Variants in HEATR5B observed in about 807,000 individuals in gnomAD.
HEATR5B encodes HEAT repeat containing 5B.
In HEATR5B, 156 loss-of-function variants were observed where a neutral mutation model predicts 224.1. The ratio of observed to expected loss-of-function variants is 0.70; its 90% CI spans 0.61 to 0.80. HEATR5B has a LOEUF of 0.80. Among genes scored for constraint, HEATR5B ranks in the 30% least tolerant of loss-of-function variants. The pLI, the probability that HEATR5B is intolerant of heterozygous loss-of-function variation, is 0.00. For synonymous variants in HEATR5B, 1,027 were observed against 893.0 expected, an observed-to-expected ratio of 1.15 and a Z score of -2.68; for missense variants, 2,323 against 2,535.5, an observed-to-expected ratio of 0.92 and a Z score of 1.80.
chr2:36,984,869 G>A (rs1308217932), intron 35 of HEATR5B, among the ~76,000 whole-genome samples: 4 of 152,146 alleles, frequency 2.6e-5, no homozygotes, highest in African/African-American at 9.7e-5. Context: ...CTATTTAGGA[G>A]GTGATTAGAT....
chr2:37,007,140 T>C lies in HEATR5B; in HGVS notation c.4687A>G (p.Thr1563Ala). Residue 1563 changes from threonine (T) to alanine (A), a missense_variant, in exon 29 of 36, where the codon ACA becomes GCA. Physicochemically the swap from Thr to Ala is moderately conservative, Grantham distance 58. Coordinates refer to ENST00000233099, the MANE Select transcript of HEATR5B (RefSeq NM_019024.3). ...AAISGLQKRS[T>A]SVNLNQASGA... is the part of the protein sequence containing the mutation. ...GATGCCTGGTTTAAATTGACAGATG[T>C]AGAACGTTTTTGTAAACCAGATATT... 2 of 1,614,126 alleles carry C rather than the reference T, an allele frequency of 1.2e-6. No homozygotes were observed. Among genetic ancestry groups the C allele is most frequent in the Non-Finnish European group, 1.7e-6 (2 of 1,180,000 alleles).
intron 20 of HEATR5B, among the ~76,000 whole-genome samples, chr2:37,038,907 T>TGGGG (rs758997585): frequency 4.5e-4 from 30 of 66,262 alleles, no homozygotes; most frequent in Non-Finnish European, 8.2e-4. Flanking sequence ...CTCCCTGGGG[T>TGGGG]GGGGGGGGTG....
chr2:37,002,425 T>C lies in HEATR5B; in HGVS notation c.5198A>G (p.Lys1733Arg). The change falls in exon 32 of 36, where the codon AAG (lysine) becomes AGG (arginine). Residue 1733 changes from lysine to arginine, a missense_variant. Lys to Arg is a conservative substitution (Grantham distance 26). Around this residue, in one of 12 missense-constraint regions of HEATR5B, gnomAD observed 844 missense variants for 812.9 expected, o/e 1.04. Coordinates refer to ENST00000233099, the MANE Select transcript of HEATR5B (RefSeq NM_019024.3). Reference protein sequence around the residue: ...LVRHMPHLSTKVSDSPSHIAT... With the variant: ...LVRHMPHLSTRVSDSPSHIAT... ...TATGTGACTTGGAGAGTCTGACACC[T>C]TGGTACTGAGATGTGGCATATGCCG... 1 of 1,614,230 alleles carries C rather than the reference T, an allele frequency of 6.2e-7. No homozygotes were observed. The highest frequency in any genetic ancestry group is 8.5e-7 in the Non-Finnish European group (1 of 1,180,034).
chr2:36,986,563 G>GA (rs1283427640), intron 35 of HEATR5B, among the ~76,000 whole-genome samples: 1 of 152,036 alleles, frequency 6.6e-6, no homozygotes, highest in African/African-American at 2.4e-5. Context: ...TAACAGAAAA[G>GA]AAAAAACAGG....
At chr2:37,059,898 A>T (rs758557754) in intron 12 of HEATR5B, among the ~76,000 whole-genome samples, 6 of 152,110 alleles carry the variant, frequency 3.9e-5, no homozygotes, top group Non-Finnish European at 8.8e-5. Flanking sequence ...CACCTCCTAG[A>T]TGTGTGAGAG....
rs560160624 is a variant in HEATR5B, at chr2:36,998,997, G to A, written c.5545+1589C>T. On this transcript the variant is annotated intron_variant, in intron 33 of 35. Transcript: ENST00000233099. ...TGGGAGGCCGAGGCAGGAGGATCAC[G>A]AGGTCAGGAGTTCAAGACCAGGCTG... Among the ~76,000 whole-genome samples, 10 of 152,174 alleles carry A rather than the reference G, an allele frequency of 6.6e-5. 1 individual carries two copies. In the South Asian group the frequency reaches 1.5e-3, roughly 22 times the overall value.
At chr2:37,064,561 T>A (rs1026608693) in intron 10 of HEATR5B, among the ~76,000 whole-genome samples, 179 bp downstream of exon 10, 1 of 152,104 alleles carries the variant, frequency 6.6e-6, no homozygotes, top group Non-Finnish European at 1.5e-5. Flanking sequence ...TATCCTTACA[T>A]CAGAATTAAA....
chr2:37,050,321 G>A (rs1670457463), intron 17 of HEATR5B, among the ~76,000 whole-genome samples: 1 of 152,110 alleles, frequency 6.6e-6, no homozygotes, highest in Non-Finnish European at 1.5e-5. Context: ...TCAATTCACG[G>A]TAATTACTTT....
intron 21 of HEATR5B, among the ~76,000 whole-genome samples, chr2:37,035,382 T>C (rs1488579555): frequency 6.6e-6 from 1 of 152,200 alleles, no homozygotes; most frequent in Non-Finnish European, 1.5e-5. Context: ...TATATGACTG[T>C]GTATGTGTGA....
intron 21 of HEATR5B, among the ~76,000 whole-genome samples, chr2:37,036,236 AT>A (rs1388876981): frequency 7.9e-5 from 12 of 152,316 alleles, no homozygotes; most frequent in Middle Eastern, 3.4e-3. Flanking sequence ...TGCTTGTAGA[AT>A]AAAGTCCAAA....
intron 18 of HEATR5B, among the ~76,000 whole-genome samples, chr2:37,047,069 T>C (rs980142292): frequency 8.1e-6 from 1 of 123,442 alleles, no homozygotes; most frequent in Non-Finnish European, 1.7e-5. Context: ...AGAAGCTGGG[T>C]GTGGTGTCTC....
intron 21 of HEATR5B, 30 bp from the exon 22 acceptor site, chr2:37,032,803 C>G (rs757196106): frequency 1.9e-6 from 3 of 1,596,734 alleles, no homozygotes; most frequent in African/African-American, 2.7e-5. Context: ...TAGGCGATTT[C>G]TCTTTAAAAA....
intron 35 of HEATR5B, among the ~76,000 whole-genome samples, chr2:36,984,641 T>A (rs1448087091): frequency 6.6e-6 from 1 of 152,054 alleles, no homozygotes; most frequent in Non-Finnish European, 1.5e-5. Flanking sequence ...ATGAACAATG[T>A]AAGCGATTAA....
chr2:37,046,496 G>A (rs575348300), intron 18 of HEATR5B, among the ~76,000 whole-genome samples: 194 of 151,934 alleles, frequency 1.3e-3, no homozygotes, highest in African/African-American at 2.7e-3. Flanking sequence ...AAAATTAGCC[G>A]GGCGTGGTGG....
In HEATR5B at chr2:37,014,012, A is replaced by G; in HGVS notation, c.4113T>C (p.Ser1371=). 3 of 1,573,176 alleles carry G rather than the reference A, an allele frequency of 1.9e-6. No individual in the cohort carries two copies. The highest frequency in any genetic ancestry group is 2.6e-6 in the Non-Finnish European group (3 of 1,156,452). Residue 1371 remains serine, a synonymous_variant, in exon 27 of 36, where the codon AGT becomes AGC. Transcript: ENST00000233099. ...TGACAACTCCACTTCCTATCCATGT[A>G]CTACATACCTAGACAAAGAGAATTC... ...DIIAKACQVC[S]TWIGSGVVSD...
intron 6 of HEATR5B, among the ~76,000 whole-genome samples, chr2:37,071,005 T>G (rs774184288): frequency 6.6e-5 from 10 of 152,172 alleles, no homozygotes; most frequent in Non-Finnish European, 1.3e-4. Flanking sequence ...AGAATCTAAG[T>G]CTCAATTTCC....
At chr2:36,988,891 T>C (rs749272370) in intron 34 of HEATR5B, 32 bp from the exon 35 acceptor site, 3 of 1,489,942 alleles carry the variant, frequency 2.0e-6, no homozygotes, top group Non-Finnish European at 9.4e-7. Context: ...TCAATTAACA[T>C]GTGTATAGTT....
intron 35 of HEATR5B, among the ~76,000 whole-genome samples, chr2:36,983,395 C>T (rs1259078972): frequency 2.0e-5 from 3 of 151,032 alleles, no homozygotes; most frequent in African/African-American, 7.3e-5. Context: ...AAAAATTAGC[C>T]GGGCATGGTG....
intron 14 of HEATR5B, among the ~76,000 whole-genome samples, chr2:37,058,235 T>C (rs1291890297): frequency 6.6e-6 from 1 of 152,092 alleles, no homozygotes. Context: ...GCCTCATAAG[T>C]TGCAACACAG....
Sources: allele counts gnomAD v4.1 joint callset (sites outside exome capture counted in the v4.1 genomes callset), GRCh38; gene constraint gnomAD v4.1.1; regional missense constraint gnomAD v4.1.1; transcripts MANE v1.5; gene names NCBI Gene and HGNC (gene_info 2026-07-23, HGNC 2026-07-21).